Variants in FSTL5 observed in about 807,000 individuals in gnomAD.
The protein encoded by FSTL5 is follistatin-related protein 5.
FSTL5 carries 62 observed loss-of-function variants against 89.1 expected under a neutral mutation model. The ratio of observed to expected loss-of-function variants is 0.70; its 90% CI spans 0.57 to 0.86. The LOEUF (loss-of-function observed/expected upper bound fraction) is 0.86. Ranked by LOEUF, FSTL5 falls within the 40% of genes least tolerant of loss-of-function variation. The pLI is 0.00. For missense variants in FSTL5, 1,057 were observed against 1,001.6 expected (o/e 1.06, Z -0.75); for synonymous variants, 383 against 346.2 (o/e 1.11, Z -1.18).
intron 6 of FSTL5, among the ~76,000 whole-genome samples, chr4:161,666,970 A>G (rs1736921014): frequency 6.6e-6 from 1 of 152,074 alleles, no homozygotes; most frequent in Non-Finnish European, 1.5e-5. Flanking sequence ...ACGCAGAAAA[A>G]ATTCTTGTGC....
chr4:161,798,848 A>C (rs375561325), intron 4 of FSTL5, among the ~76,000 whole-genome samples: 5 of 151,736 alleles, frequency 3.3e-5, no homozygotes, highest in Non-Finnish European at 7.4e-5. Flanking sequence ...AAAGAAAAAA[A>C]CCCTAAAACA....
intron 6 of FSTL5, among the ~76,000 whole-genome samples, chr4:161,691,575 A>C (rs1737944978): frequency 6.6e-6 from 1 of 152,158 alleles, no homozygotes; most frequent in South Asian, 2.1e-4. Context: ...AGATTTTGAT[A>C]GGAATTCCAC....
At chr4:161,567,984 TG>T in intron 8 of FSTL5, among the ~76,000 whole-genome samples, 1 of 151,956 alleles carries the variant, frequency 6.6e-6, no homozygotes. Context: ...TCCTTTCTCA[TG>T]TGTTGGATCT....
At chr4:161,990,103 TCAA>T in intron 3 of FSTL5, among the ~76,000 whole-genome samples, 1 of 152,134 alleles carries the variant, frequency 6.6e-6, no homozygotes. Context: ...ATTTAAACAC[TCAA>T]CAAGATCAAA....
intron 3 of FSTL5, among the ~76,000 whole-genome samples, chr4:161,950,101 C>G (rs1161004280): frequency 1.3e-5 from 2 of 152,074 alleles, no homozygotes; most frequent in Non-Finnish European, 2.9e-5. Context: ...GTCAATACAT[C>G]TGTTTTGAAA....
chr4:161,457,106 C>A (rs900365988), intron 14 of FSTL5, among the ~76,000 whole-genome samples: 2 of 152,140 alleles, frequency 1.3e-5, no homozygotes, highest in Admixed American at 6.5e-5. Flanking sequence ...CTAACATGAT[C>A]CATGAGTGAG....
chr4:161,423,373 G>GT (rs1732052488), intron 15 of FSTL5, among the ~76,000 whole-genome samples: 1 of 150,788 alleles, frequency 6.6e-6, no homozygotes, highest in Non-Finnish European at 1.5e-5. Context: ...GCTATCAAAA[G>GT]TAACAACTGA....
intron 7 of FSTL5, among the ~76,000 whole-genome samples, chr4:161,615,297 A>C (rs1197203259): frequency 2.2e-5 from 2 of 92,616 alleles, no homozygotes; most frequent in African/African-American, 3.8e-5. Flanking sequence ...CTGTCTCAAA[A>C]AAAAAAAAAA....
At chr4:161,752,223 G>GGGCAGATAGATA (rs1740418630) in intron 6 of FSTL5, among the ~76,000 whole-genome samples, 9 of 133,604 alleles carry the variant, frequency 6.7e-5, no homozygotes, top group African/African-American at 1.4e-4. Context: ...GATGATAGAT[G>GGGCAGATAGATA]GACAGATAGA....
At chr4:161,554,984 G>A (rs953130663) in intron 8 of FSTL5, among the ~76,000 whole-genome samples, 10 of 151,580 alleles carry the variant, frequency 6.6e-5, no homozygotes, top group African/African-American at 2.4e-4. Flanking sequence ...TCCCAAAGCA[G>A]TCTTTTTATA....
chr4:161,857,973 TC>T (rs1334695603), intron 4 of FSTL5, among the ~76,000 whole-genome samples: 1 of 152,150 alleles, frequency 6.6e-6, no homozygotes. Flanking sequence ...CAATTTAAGT[TC>T]CCTACTGTTA....
chr4:161,831,176 A>G (rs1280187649), intron 4 of FSTL5, among the ~76,000 whole-genome samples: 2 of 151,988 alleles, frequency 1.3e-5, no homozygotes, highest in African/African-American at 4.8e-5. Flanking sequence ...TATAGTAACC[A>G]TTTTATCATG....
chr4:161,576,958 C>T (rs923868506), intron 8 of FSTL5, among the ~76,000 whole-genome samples: 8 of 152,146 alleles, frequency 5.3e-5, no homozygotes, highest in Non-Finnish European at 1.5e-5. Context: ...TTTCTCCATA[C>T]ATAGTGACAA....
chr4:161,393,630 T>C (rs775361433), intron 15 of FSTL5, among the ~76,000 whole-genome samples: 1 of 152,088 alleles, frequency 6.6e-6, no homozygotes, highest in Non-Finnish European at 1.5e-5. Flanking sequence ...CTAATTGGAA[T>C]AAATCAAGAG....
At chr4:161,872,099 C>T (rs1732281128) in intron 4 of FSTL5, among the ~76,000 whole-genome samples, 1 of 149,840 alleles carries the variant, frequency 6.7e-6, no homozygotes, top group South Asian at 2.1e-4. Flanking sequence ...TAGGCACACA[C>T]CACCACATCT....
At chr4:161,596,988 C>T (rs1734037035) in intron 7 of FSTL5, among the ~76,000 whole-genome samples, 1 of 152,028 alleles carries the variant, frequency 6.6e-6, no homozygotes. Flanking sequence ...GTTGCCTGTT[C>T]ACTCTGATGG....
chr4:161,872,123 A>G (rs1667344474), intron 4 of FSTL5, among the ~76,000 whole-genome samples: 1 of 96,384 alleles, frequency 1.0e-5, no homozygotes, highest in South Asian at 3.5e-4. Context: ...TAGGCTTTGT[A>G]GTTTGTTTTT....
intron 4 of FSTL5, among the ~76,000 whole-genome samples, chr4:161,899,398 A>G (rs749818812): frequency 6.6e-6 from 1 of 152,198 alleles, no homozygotes; most frequent in Non-Finnish European, 1.5e-5. Flanking sequence ...TATAGGTGCC[A>G]GTAACTATTC....
At chr4:161,747,524 C>T (rs929163624) in intron 6 of FSTL5, among the ~76,000 whole-genome samples, 8 of 152,156 alleles carry the variant, frequency 5.3e-5, no homozygotes, top group Non-Finnish European at 7.4e-5. Context: ...GTTCTCTAGA[C>T]GGTACCTGCA....
Sources: gnomAD v4.1 joint callset for allele counts (sites outside exome capture counted in the v4.1 genomes callset) on GRCh38, gnomAD v4.1.1 for gene constraint, MANE v1.5 for transcripts, NCBI Gene and HGNC (gene_info 2026-07-23, HGNC 2026-07-21) for gene names.